RYR2: variants seen among roughly 807,000 people sequenced by gnomAD.
The protein encoded by RYR2 is ryanodine receptor 2.
Under a neutral mutation model 601.1 loss-of-function variants are expected in RYR2, and 227 were observed. The ratio of observed to expected loss-of-function variants is 0.38; its 90% CI spans 0.34 to 0.42. The LOEUF is 0.42. Ranked by LOEUF, RYR2 falls within the 10% of genes least tolerant of loss-of-function variation. The pLI, the probability that RYR2 is intolerant of heterozygous loss-of-function variation, is 1.00. For missense variants in RYR2, 4,646 were observed against 6,156.5 expected (o/e 0.75, Z 8.21); for synonymous variants, 2,223 against 2,175.1 (o/e 1.02, Z -0.61).
intron 2 of RYR2, among the ~76,000 whole-genome samples, chr1:237,299,413 A>G (rs768926807): frequency 6.6e-6 from 1 of 152,194 alleles, no homozygotes; most frequent in Non-Finnish European, 1.5e-5. Context: ...GGTTAATAAG[A>G]GAAGGAATTA....
chr1:237,428,608 G>T (rs951492363), intron 12 of RYR2, among the ~76,000 whole-genome samples: 1 of 145,146 alleles, frequency 6.9e-6, no homozygotes, highest in Non-Finnish European at 1.5e-5. Flanking sequence ...TGGGGCGGGG[G>T]TGCAAGGGGA....
intron 35 of RYR2, among the ~76,000 whole-genome samples, chr1:237,607,809 A>T (rs945523212): frequency 3.9e-5 from 6 of 152,326 alleles, no homozygotes; most frequent in Admixed American, 3.3e-4. Flanking sequence ...AATAGAGTAG[A>T]TAGTTTTATT....
chr1:237,545,136 A>G (rs998561704), intron 25 of RYR2, among the ~76,000 whole-genome samples: 1 of 152,266 alleles, frequency 6.6e-6, no homozygotes, highest in Non-Finnish European at 1.5e-5. Context: ...CTACTTAAAC[A>G]GATGCAAATG....
chr1:237,197,377 T>C (rs924126907), intron 1 of RYR2, among the ~76,000 whole-genome samples: 3 of 152,312 alleles, frequency 2.0e-5, no homozygotes, highest in African/African-American at 7.2e-5. Flanking sequence ...CATAAATTGG[T>C]GTAAATTTTA....
chr1:237,538,516 A>G (rs1185860895), intron 25 of RYR2, among the ~76,000 whole-genome samples: 1 of 148,638 alleles, frequency 6.7e-6, no homozygotes, highest in Non-Finnish European at 1.5e-5. Context: ...TCACAGCTGT[A>G]ATCCCAGCAC....
rs367626517 is a variant in RYR2, at chr1:237,469,045, C to T, written c.1613-47C>T. On this transcript the variant is annotated intron_variant, in intron 16 of 104. Coordinates refer to ENST00000366574, the MANE Select transcript of RYR2 (RefSeq NM_001035.3). ...CTGCATATTAGCTTATCTCAATTTT[C>T]GAGCTAGAAAATCACATAAAGGTGA... is the stretch of plus-strand genomic sequence containing the variant. The T allele has an allele frequency of 5.2e-4, 779 of 1,502,692 alleles. 4 individuals carry two copies. Among genetic ancestry groups the T allele is most frequent in the South Asian group, 4.9e-3 (428 of 87,902 alleles). The allele number at this position is 1,502,692 out of a possible 1,614,324, so 93.1% of individuals were successfully genotyped here.
chr1:237,500,813 G>A lies in RYR2; in HGVS notation c.2306G>A (p.Arg769Gln), dbSNP rs754901791. ...LDLSAPSISF[R>Q]INGQPVQGMF... ...CTGAGTGCCCCAAGCATCTCGTTCC[G>A]AATTAATGGACAACCTGTTCAAGGA... The change falls in exon 21 of 105, where the codon CGA becomes CAA. Residue 769 changes from arginine (R) to glutamine (Q), a missense_variant. Physicochemically the swap from Arg to Gln is conservative, Grantham distance 43 (BLOSUM62 1). This residue lies in a region of RYR2 where 1,807 missense variants were observed against 2,088.1 expected (regional missense o/e 0.87). Coordinates refer to ENST00000366574, the MANE Select transcript of RYR2 (RefSeq NM_001035.3). 8 of 1,613,850 alleles carry A rather than the reference G, an allele frequency of 5.0e-6. No homozygotes were observed. Among genetic ancestry groups the A allele is most frequent in the South Asian group, 3.3e-5 (3 of 91,088 alleles).
At chr1:237,689,439 T>C (rs1686745060) in intron 63 of RYR2, among the ~76,000 whole-genome samples, 1 of 152,242 alleles carries the variant, frequency 6.6e-6, no homozygotes, top group African/African-American at 2.4e-5. Flanking sequence ...CTCCATTCTA[T>C]GGATTCTTTT....
At chr1:237,317,688 C>T (rs1236130983) in intron 2 of RYR2, among the ~76,000 whole-genome samples, 1 of 151,878 alleles carries the variant, frequency 6.6e-6, no homozygotes, top group Non-Finnish European at 1.5e-5. Flanking sequence ...CTCTCTCCTT[C>T]CCTTCCTTCC....
At chr1:237,758,750 T>G (rs1693165842) in intron 82 of RYR2, among the ~76,000 whole-genome samples, 1 of 152,220 alleles carries the variant, frequency 6.6e-6, no homozygotes, top group African/African-American at 2.4e-5. Context: ...TATTCTTATT[T>G]CCTTAAACCT....
In RYR2 at chr1:237,784,872, A is replaced by G. The variant is rs1190034895; in HGVS notation, c.13160A>G (p.Glu4387Gly). ...ATCTTTGGCCTGGATCTGAAGAGAG[A>G]AGGAGGACAGTACAAACTGATTCCT... The part of the protein sequence containing the change: ...SDIFGLDLKR[E>G]GGQYKLIPHN... The change falls in exon 90 of 105, where the codon GAA (glutamate) becomes GGA (glycine). Residue 4387 changes from glutamate (E) to glycine (G), a missense_variant. Transcript: ENST00000366574. The surrounding 1 kb of genome is among the most constrained non-coding windows in gnomAD (Gnocchi z 7.1). 2 of 1,613,758 alleles carry G rather than the reference A, an allele frequency of 1.2e-6. No individual in the cohort carries two copies. Among genetic ancestry groups the G allele is most frequent in the East Asian group, 2.2e-5 (1 of 44,828 alleles).
intron 79 of RYR2, 145 bp downstream of exon 79, chr1:237,733,901 T>A (rs1573726434): frequency 3.0e-6 from 2 of 666,398 alleles, no homozygotes; most frequent in Admixed American, 2.7e-5. Context: ...CCATGGCAGG[T>A]CATCATTGTT....
At chr1:237,424,775 T>A (rs577482596) in intron 12 of RYR2, among the ~76,000 whole-genome samples, 2 of 152,182 alleles carry the variant, frequency 1.3e-5, no homozygotes, top group East Asian at 1.9e-4. Context: ...ATTTTATTAA[T>A]CTTATAATGG....
rs182614810 is a variant in RYR2, at chr1:237,375,620, C to T, written c.463+825C>T. 2.6e-5 allele frequency among the ~76,000 whole-genome samples: 4 copies of T among 152,240 alleles called. No individual in the cohort carries two copies. The East Asian group carries it at 7.7e-4, about 29-fold the overall frequency. On this transcript the variant is annotated intron_variant, in intron 7 of 104. Coordinates refer to ENST00000366574, the MANE Select transcript of RYR2 (RefSeq NM_001035.3). ...TGAAAACAAAGCTATGTTTACCAGC[C>T]TCATAAACTTTTTAATAGACCAATG...
At chr1:237,355,627 G>A (rs1424434759) in intron 3 of RYR2, among the ~76,000 whole-genome samples, 3 of 151,020 alleles carry the variant, frequency 2.0e-5, no homozygotes, top group Non-Finnish European at 2.9e-5. Flanking sequence ...TTAGAGGAGA[G>A]TAGTAGTTCT....
chr1:237,619,927 C>T (rs1338147925), intron 38 of RYR2, among the ~76,000 whole-genome samples: 1 of 152,052 alleles, frequency 6.6e-6, no homozygotes, highest in Non-Finnish European at 1.5e-5. Context: ...AATTTGACTA[C>T]AGCAGACCTA....
intron 1 of RYR2, among the ~76,000 whole-genome samples, chr1:237,125,141 T>G (rs1223466993): frequency 6.6e-6 from 1 of 152,174 alleles, no homozygotes; most frequent in Non-Finnish European, 1.5e-5. Context: ...CAATGAGTTT[T>G]GAATAAAGAG....
intron 63 of RYR2, 32 bp downstream of exon 63, chr1:237,687,536 G>C (rs2148969437): frequency 6.4e-7 from 1 of 1,563,724 alleles, no homozygotes; most frequent in South Asian, 1.1e-5. Flanking sequence ...TACAAGCATG[G>C]CCATCACTTG....
intron 98 of RYR2, among the ~76,000 whole-genome samples, chr1:237,803,519 C>G (rs562555652): frequency 2.6e-5 from 4 of 152,196 alleles, no homozygotes; most frequent in Middle Eastern, 3.4e-3. Context: ...CCAGGATGGT[C>G]TCGATCTCCT....
Sources: allele counts gnomAD v4.1 joint callset (sites outside exome capture counted in the v4.1 genomes callset), GRCh38; gene constraint gnomAD v4.1.1; regional missense constraint gnomAD v4.1.1; non-coding constraint Gnocchi (gnomAD v3.1); transcripts MANE v1.5; gene names NCBI Gene and HGNC (gene_info 2026-07-23, HGNC 2026-07-21).